Variants in VWCE observed in about 807,000 individuals in gnomAD.
The protein encoded by VWCE is von Willebrand factor C and EGF domain-containing protein.
In VWCE, 68 loss-of-function variants were observed where a neutral mutation model predicts 102.9. The ratio of observed to expected loss-of-function variants is 0.66; its 90% CI spans 0.54 to 0.81. VWCE has a LOEUF of 0.81. VWCE is among the 30% of genes least tolerant of loss of function. The pLI is 0.00. For synonymous variants in VWCE, 497 were observed against 515.4 expected (o/e 0.96, Z 0.48); for missense variants, 1,137 against 1,263.6 (o/e 0.90, Z 1.52).
chr11:61,284,883 C>T (rs1357649178), intron 5 of VWCE, among the ~76,000 whole-genome samples: 3 of 151,766 alleles, frequency 2.0e-5, no homozygotes, highest in African/African-American at 4.8e-5. Context: ...GCGGAGGTTG[C>T]AGTGAACTGA....
intron 9 of VWCE, among the ~76,000 whole-genome samples, chr11:61,279,067 A>G (rs117735457): frequency 6.6e-6 from 1 of 151,810 alleles, no homozygotes; most frequent in Non-Finnish European, 1.5e-5. Context: ...AAAACAAAAA[A>G]AAAAACTGGC....
Position 61,289,407 on chromosome 11 carries a change from C to T in VWCE, c.424+1392G>A, listed in dbSNP as rs531756900. 3.9e-5 allele frequency among the ~76,000 whole-genome samples: 6 copies of T among 151,942 alleles called. No homozygotes were observed. In the South Asian group the frequency reaches 6.2e-4, roughly 16 times the overall value. ...CCGGGATTACAGGCATGTACCACTA[C>T]ACCAGCTAGTTTTTGTGTTTTTAGT... On this transcript the variant is annotated intron_variant, in intron 4 of 19. Coordinates refer to ENST00000335613, the MANE Select transcript of VWCE (RefSeq NM_152718.2).
intron 5 of VWCE, among the ~76,000 whole-genome samples, chr11:61,284,243 T>C (rs1855238733): frequency 1.3e-5 from 2 of 152,056 alleles, no homozygotes; most frequent in Non-Finnish European, 2.9e-5. Context: ...ACCTTAGCTC[T>C]AATGGGATCT....
In VWCE at chr11:61,293,074, T is replaced by C. The variant is rs1431787664; in HGVS notation, c.111-1498A>G. 6.6e-5 allele frequency among the ~76,000 whole-genome samples: 10 copies of C among 151,858 alleles called. No individual in the cohort carries two copies. The South Asian group carries it at 8.3e-4, about 13-fold the overall frequency. On this transcript the variant is annotated intron_variant, in intron 1 of 19. Transcript: ENST00000335613. ...CTGACCAACATGGAGAAACCCCGACTCTACTAAAAATGCAAAATTAGCCGG... is the reference window on the plus strand; with the variant it reads ...CTGACCAACATGGAGAAACCCCGACCCTACTAAAAATGCAAAATTAGCCGG...
rs978266198 is a variant in VWCE at position 61,286,541 on chromosome 11, G to A, written c.425-111C>T. On this transcript the variant is annotated intron_variant, in intron 4 of 19. Transcript: ENST00000335613. Reference sequence around the variant, plus strand: ...TTGCAGGCCGGGCATGGTGGCTCACGCCTGTAATCCCAGCACTTTGGGAGG... The same window carrying A: ...TTGCAGGCCGGGCATGGTGGCTCACACCTGTAATCCCAGCACTTTGGGAGG... 2.2e-5 allele frequency: 22 copies of A among 982,718 alleles called. No individual in the cohort carries two copies. In the East Asian group the frequency reaches 3.9e-4, roughly 17 times the overall value. 60.9% of individuals were successfully genotyped at this position (982,718 alleles called of 1,614,324 possible).
At chr11:61,293,601 G>T (rs927019675) in intron 1 of VWCE, among the ~76,000 whole-genome samples, 3 of 152,054 alleles carry the variant, frequency 2.0e-5, no homozygotes, top group African/African-American at 7.2e-5. Flanking sequence ...CAACCCCACC[G>T]CAACAGAAAA....
Position 61,267,533 on chromosome 11 carries a change from T to C in VWCE, c.1894A>G (p.Thr632Ala). ...CPDCSAGCTY[T>A]GRIFYNNETF... ...TCGTTGTTATAGAAGATTCTGCCTGTGTAGGTGCAGCCTGCCAGAGAGAGC... is the reference window on the plus strand; with the variant it reads ...TCGTTGTTATAGAAGATTCTGCCTGCGTAGGTGCAGCCTGCCAGAGAGAGC... Residue 632 changes from threonine (T) to alanine (A), a missense_variant, in exon 16 of 20, where the codon ACA (threonine) becomes GCA (alanine). Around this residue, in one of 5 missense-constraint regions of VWCE, gnomAD observed 212 missense variants for 235.1 expected, o/e 0.90. Transcript: ENST00000335613. 6.2e-7 allele frequency: 1 copy of C among 1,614,040 alleles called. No homozygotes were observed. Among genetic ancestry groups the C allele is most frequent in the Non-Finnish European group, 8.5e-7 (1 of 1,179,994 alleles).
At chr11:61,260,326 T>G (rs913517226) in intron 19 of VWCE, among the ~76,000 whole-genome samples, 1 of 151,980 alleles carries the variant, frequency 6.6e-6, no homozygotes, top group Admixed American at 6.6e-5. Context: ...CAGGCTGGAG[T>G]GCAGTGGTGC....
Position 61,274,583 on chromosome 11 carries a change from C to A in VWCE, c.1497G>T (p.Val499=). The A allele has an allele frequency of 1.2e-6, 2 of 1,613,826 alleles. No homozygotes were observed. Among genetic ancestry groups the A allele is most frequent in the Non-Finnish European group, 1.7e-6 (2 of 1,179,866 alleles). ...ACCACCGGCCGTGGAAATAGCATCT[C>A]ACTGCAGAGGAGAAAGGGAGAAGCA... The part of the protein sequence containing the change: ...PQTDCCTCVP[V]RCYFHGRWYA... Residue 499 remains valine, a splice_region_variant and synonymous_variant, in exon 12 of 20, where the codon GTG becomes GTT. Coordinates refer to ENST00000335613, the MANE Select transcript of VWCE (RefSeq NM_152718.2).
In VWCE at chr11:61,260,934, A is replaced by G. The variant is rs1051450214; in HGVS notation, c.2231-1622T>C. ...GAAGAGTGAAGAAGCAAAAAAAGAA[A>G]AAGTATCGGCCCAGGCGCAGTGGCT... On this transcript the variant is annotated intron_variant, in intron 19 of 19. Transcript: ENST00000335613. Among the ~76,000 whole-genome samples, 8 of 152,136 alleles carry G rather than the reference A, an allele frequency of 5.3e-5. No individual in the cohort carries two copies. The East Asian group carries it at 7.7e-4, about 15-fold the overall frequency.
chr11:61,289,048 AT>A (rs1855418693), intron 4 of VWCE, among the ~76,000 whole-genome samples: 1 of 151,760 alleles, frequency 6.6e-6, no homozygotes, highest in Non-Finnish European at 1.5e-5. Flanking sequence ...CATGTTGGTC[AT>A]GGCTGGTCTC....
intron 19 of VWCE, among the ~76,000 whole-genome samples, chr11:61,261,810 A>C (rs1854369606): frequency 6.6e-6 from 1 of 152,112 alleles, no homozygotes; most frequent in Admixed American, 6.5e-5. Context: ...GTCTCAAAAA[A>C]AAAAAAAAAT....
chr11:61,291,125 T>A, intron 3 of VWCE, 139 bp downstream of exon 3: 1 of 1,225,764 alleles, frequency 8.2e-7, no homozygotes, highest in Middle Eastern at 2.2e-4. Flanking sequence ...TCTTCATCTA[T>A]AAAATGGGCA....
chr11:61,286,990 G>C (rs1855354154), intron 4 of VWCE, among the ~76,000 whole-genome samples: 1 of 152,056 alleles, frequency 6.6e-6, no homozygotes, highest in South Asian at 2.1e-4. Flanking sequence ...CCAGCTACTT[G>C]GGAGGCTGAG....
At chr11:61,279,896 T>G (rs925576807) in intron 9 of VWCE, among the ~76,000 whole-genome samples, 6 of 152,090 alleles carry the variant, frequency 3.9e-5, no homozygotes, top group Non-Finnish European at 8.8e-5. Context: ...TGGCTAACTT[T>G]TTGTATTTTT....
At chr11:61,273,134 G>A (rs944367301) in intron 13 of VWCE, 65 bp downstream of exon 13, 3 of 1,510,700 alleles carry the variant, frequency 2.0e-6, no homozygotes, top group Non-Finnish European at 2.8e-6. Context: ...CTCAGCAGCA[G>A]GTGAAGCTCA....
At chr11:61,288,527 A>C (rs1425098015) in intron 4 of VWCE, among the ~76,000 whole-genome samples, 1 of 151,950 alleles carries the variant, frequency 6.6e-6, no homozygotes, top group Non-Finnish European at 1.5e-5. Context: ...TAAGAAGCCC[A>C]CTCTGACTAA....
At chr11:61,259,364 A>G (rs745395351) in intron 19 of VWCE, 52 bp from the exon 20 acceptor site, 9 of 1,522,558 alleles carry the variant, frequency 5.9e-6, no homozygotes, top group African/African-American at 2.8e-5. Flanking sequence ...CCAGTGGCCA[A>G]GGTGGCTCTG....
chr11:61,281,693 T>G (rs1406509797), intron 7 of VWCE, 93 bp downstream of exon 7: 1 of 1,344,810 alleles, frequency 7.4e-7, no homozygotes, highest in Non-Finnish European at 9.6e-7. Flanking sequence ...CGGGAGGGCG[T>G]GACGGGGAGG....
Sources: gnomAD v4.1 joint callset for allele counts (sites outside exome capture counted in the v4.1 genomes callset) on GRCh38, gnomAD v4.1.1 for gene constraint, gnomAD v4.1.1 regional missense constraint, MANE v1.5 for transcripts, NCBI Gene and HGNC (gene_info 2026-07-23, HGNC 2026-07-21) for gene names.